CCBE1: variants seen among roughly 807,000 people sequenced by gnomAD.
CCBE1 encodes collagen and calcium binding EGF domains 1.
Under a neutral mutation model 50.0 loss-of-function variants are expected in CCBE1, and 37 were observed. The ratio of observed to expected loss-of-function variants is 0.74; its 90% CI spans 0.57 to 0.97. The LOEUF (loss-of-function observed/expected upper bound fraction) is 0.97, where lower values mean the gene tolerates loss of function less well. Among genes scored for constraint, CCBE1 ranks in the 50% least tolerant of loss-of-function variants. The probability of loss-of-function intolerance (pLI) is 0.00; values close to 1 mark genes in which losing one functional copy is unlikely to be tolerated. For missense variants in CCBE1, 538 were observed against 523.8 expected, an observed-to-expected ratio of 1.03 and a Z score of -0.26; for synonymous variants, 234 against 203.7, an observed-to-expected ratio of 1.15 and a Z score of -1.27.
chr18:59,457,500 C>T (rs1215847238), intron 5 of CCBE1, among the ~76,000 whole-genome samples: 1 of 152,172 alleles, frequency 6.6e-6, no homozygotes, highest in Non-Finnish European at 1.5e-5. Flanking sequence ...GCTGTGATGA[C>T]TGGGCAAGGT....
At chr18:59,574,220 C>T (rs2144493315) in intron 2 of CCBE1, among the ~76,000 whole-genome samples, 2 of 152,320 alleles carry the variant, frequency 1.3e-5, no homozygotes, top group South Asian at 4.1e-4. Context: ...GATTAGACCA[C>T]AGTGATTCTG....
rs556757563 is a variant in CCBE1 at position 59,480,383 on chromosome 18, C to A, written c.213-145G>T. 8 of 599,342 alleles carry A rather than the reference C, an allele frequency of 1.3e-5. No homozygotes were observed. The African/African-American group carries it at 1.5e-4, about 11-fold the overall frequency. The allele number at this position is 599,342 out of a possible 1,614,324, so 37.1% of individuals were successfully genotyped here. A position where few individuals can be genotyped will look rare whatever the true frequency, so the allele number is the denominator to read the frequency against. ...AGGGGTGAAGTATTTTTAAGGCAAT[C>A]TGAGATTAAAAGAAAAAATATCAAT... is the stretch of plus-strand genomic sequence containing the variant. On this transcript the variant is annotated intron_variant, in intron 2 of 10. Transcript: ENST00000439986.
At chr18:59,593,646 T>C (rs2053306637) in intron 2 of CCBE1, among the ~76,000 whole-genome samples, 1 of 152,248 alleles carries the variant, frequency 6.6e-6, no homozygotes, top group Non-Finnish European at 1.5e-5. Context: ...GACACACTTA[T>C]CATCCTGGCT....
chr18:59,688,092 CTTT>C (rs1159743880), intron 2 of CCBE1: 1 of 152,088 alleles, frequency 6.6e-6, no homozygotes, highest in Non-Finnish European at 1.5e-5. Context: ...ATGAAAATGG[CTTT>C]TTTTCCCTCG....
intron 2 of CCBE1, among the ~76,000 whole-genome samples, chr18:59,669,913 T>A (rs961163769): frequency 6.6e-6 from 1 of 152,168 alleles, no homozygotes; most frequent in Admixed American, 6.5e-5. Flanking sequence ...TAGCACAGAA[T>A]AGGCACTCAA....
chr18:59,696,668 G>T lies in CCBE1; in HGVS notation c.173C>A (p.Pro58Gln), dbSNP rs778757631. ...SESKIATTKY[P>Q]CLKSSGELTT... ...GAGCTCGCCTGAAGACTTCAGACAC[G>T]GGTATTTAGTCGTCGCGATTTTGCT... The change falls in exon 2 of 11, where the codon CCG becomes CAG. Residue 58 changes from proline (P) to glutamine (Q), a missense_variant. By Grantham distance (76) the Pro-to-Gln change is moderately conservative (BLOSUM62 -1). Coordinates refer to ENST00000439986, the MANE Select transcript of CCBE1 (RefSeq NM_133459.4). 1 of 1,614,042 alleles carries T rather than the reference G, an allele frequency of 6.2e-7. No individual in the cohort carries two copies. Among genetic ancestry groups the T allele is most frequent in the East Asian group, 2.2e-5 (1 of 44,872 alleles).
chr18:59,672,401 A>C (rs1378450547), intron 2 of CCBE1, among the ~76,000 whole-genome samples: 1 of 152,202 alleles, frequency 6.6e-6, no homozygotes, highest in African/African-American at 2.4e-5. Flanking sequence ...TGCTAGTTCC[A>C]GTTTTCAGTA....
intron 2 of CCBE1, among the ~76,000 whole-genome samples, chr18:59,610,851 A>G (rs1337205674): frequency 6.6e-6 from 1 of 152,184 alleles, no homozygotes; most frequent in Non-Finnish European, 1.5e-5. Context: ...CATCTGCTCC[A>G]CCAGCGCCCC....
intron 8 of CCBE1, 26 bp downstream of exon 8, chr18:59,439,651 A>T (rs147980943): frequency 6.2e-7 from 1 of 1,614,214 alleles, no homozygotes; most frequent in South Asian, 1.1e-5. Context: ...CCCAAAAAGG[A>T]AGTGGATCTC....
At chr18:59,664,806 A>G (rs1184395736) in intron 2 of CCBE1, among the ~76,000 whole-genome samples, 3 of 152,228 alleles carry the variant, frequency 2.0e-5, no homozygotes, top group Admixed American at 6.5e-5. Flanking sequence ...GATCCAATTC[A>G]TGCGACTGTC....
At chr18:59,671,911 A>G (rs1473400576) in intron 2 of CCBE1, among the ~76,000 whole-genome samples, 1 of 152,150 alleles carries the variant, frequency 6.6e-6, no homozygotes, top group East Asian at 1.9e-4. Context: ...GAAAGCTGGC[A>G]GGACGCTGGT....
intron 5 of CCBE1, among the ~76,000 whole-genome samples, chr18:59,456,348 T>A (rs1034824337): frequency 1.3e-5 from 2 of 152,238 alleles, no homozygotes; most frequent in Non-Finnish European, 2.9e-5. Flanking sequence ...ACAGGATCAC[T>A]TCAAATAAAA....
At chr18:59,598,069 C>G (rs573449471) in intron 2 of CCBE1, among the ~76,000 whole-genome samples, 1 of 151,516 alleles carries the variant, frequency 6.6e-6, no homozygotes, top group Non-Finnish European at 1.5e-5. Context: ...TTGGTGGACA[C>G]AGGTTGAGGT....
chr18:59,690,866 C>T (rs2054721132), intron 2 of CCBE1, among the ~76,000 whole-genome samples: 1 of 152,220 alleles, frequency 6.6e-6, no homozygotes. Flanking sequence ...CACAATTAAA[C>T]ACACAGGCAG....
In CCBE1 at chr18:59,535,771, T is replaced by C. The variant is rs531518355; in HGVS notation, c.213-55533A>G. The stretch of plus-strand genomic sequence containing the variant: ...GATACCATTTATGTCAAAGATTAAA[T>C]ACTTGAAAAACAGTATTTATTGCTA... On this transcript the variant is annotated intron_variant, in intron 2 of 10. Coordinates refer to ENST00000439986, the MANE Select transcript of CCBE1 (RefSeq NM_133459.4). 2.6e-5 allele frequency among the ~76,000 whole-genome samples: 4 copies of C among 152,330 alleles called. No individual in the cohort carries two copies. In the South Asian group the frequency reaches 6.2e-4, roughly 24 times the overall value.
chr18:59,605,157 C>G (rs1337367960), intron 2 of CCBE1, among the ~76,000 whole-genome samples: 1 of 152,134 alleles, frequency 6.6e-6, no homozygotes, highest in Non-Finnish European at 1.5e-5. Flanking sequence ...AGGCTGCTCC[C>G]CCTAGGAGGC....
At chr18:59,678,605 T>C (rs1430211229) in intron 2 of CCBE1, among the ~76,000 whole-genome samples, 1 of 152,204 alleles carries the variant, frequency 6.6e-6, no homozygotes, top group Non-Finnish European at 1.5e-5. Context: ...TGATCTCCGC[T>C]CAGTGCAACC....
At chr18:59,578,923 A>G (rs940493364) in intron 2 of CCBE1, among the ~76,000 whole-genome samples, 4 of 152,346 alleles carry the variant, frequency 2.6e-5, no homozygotes, top group Middle Eastern at 3.4e-3. Flanking sequence ...CATTCTGCAC[A>G]TGTATCCCAG....
intron 2 of CCBE1, among the ~76,000 whole-genome samples, chr18:59,628,070 C>T (rs976870232): frequency 2.6e-5 from 4 of 152,042 alleles, no homozygotes; most frequent in Admixed American, 1.3e-4. Context: ...AAAAATTATC[C>T]GAGTGTGGTG....
Sources: gnomAD v4.1 joint callset for allele counts (sites outside exome capture counted in the v4.1 genomes callset) on GRCh38, gnomAD v4.1.1 for gene constraint, MANE v1.5 for transcripts, NCBI Gene and HGNC (gene_info 2026-07-23, HGNC 2026-07-21) for gene names.